Variants in ATAD2B observed in about 807,000 individuals in gnomAD.
The protein encoded by ATAD2B is ATPase family AAA domain-containing protein 2B.
In ATAD2B, 40 loss-of-function variants were observed where a neutral mutation model predicts 167.6. That is an observed-to-expected ratio of 0.24 (90% CI 0.19 to 0.31). The LOEUF is 0.31. Ranked by LOEUF, ATAD2B falls within the 10% of genes least tolerant of loss-of-function variation. ATAD2B has a pLI of 1.00. For missense variants in ATAD2B, 1,242 were observed against 1,757.2 expected (o/e 0.71, Z 5.24); for synonymous variants, 579 against 596.5 (o/e 0.97, Z 0.43).
intron 4 of ATAD2B, among the ~76,000 whole-genome samples, chr2:23,887,418 T>A (rs894249103): frequency 6.6e-6 from 1 of 152,182 alleles, no homozygotes; most frequent in Non-Finnish European, 1.5e-5. Context: ...TAACTATGCA[T>A]CTAGATACTG....
chr2:23,711,342 C>CTTTTTTTTTT, the ATAD2B span, among the ~76,000 whole-genome samples: 9 of 79,792 alleles, frequency 1.1e-4, no homozygotes, highest in African/African-American at 1.5e-4. Context: ...GAATTTCTTT[C>CTTTTTTTTTT]TTTTTTTTTT....
chr2:23,847,269 G>T (rs1425264136), intron 13 of ATAD2B, among the ~76,000 whole-genome samples: 1 of 149,916 alleles, frequency 6.7e-6, no homozygotes, highest in Non-Finnish European at 1.5e-5. Context: ...ACTTTGGGAG[G>T]CCGAGGCAGG....
the ATAD2B span, chr2:23,696,253 T>A: frequency 6.7e-7 from 1 of 1,492,398 alleles, no homozygotes; most frequent in Admixed American, 2.0e-5. This position sits in a 1 kb window ranked among gnomAD's most constrained non-coding sequence, Gnocchi z 5.5. Context: ...GAAGCCTTCC[T>A]CTGCCCCTGG....
At chr2:23,925,280 T>C (rs1704562229) in intron 1 of ATAD2B, among the ~76,000 whole-genome samples, 1 of 152,132 alleles carries the variant, frequency 6.6e-6, no homozygotes, top group African/African-American at 2.4e-5. Flanking sequence ...GACGTTATAA[T>C]GCCCAAAATT....
chr2:23,777,404 G>T (rs569652021), intron 22 of ATAD2B, among the ~76,000 whole-genome samples: 2 of 130,396 alleles, frequency 1.5e-5, no homozygotes, highest in South Asian at 5.2e-4. Context: ...GTCTCAAAAG[G>T]CAAGAATTGT....
intron 18 of ATAD2B, among the ~76,000 whole-genome samples, chr2:23,798,803 C>T (rs1284671396): frequency 1.3e-5 from 2 of 152,102 alleles, no homozygotes; most frequent in Admixed American, 1.3e-4. Context: ...AGATGTACCA[C>T]CCTAGAGCTT....
At chr2:23,899,990 C>T (rs1700620929) in intron 1 of ATAD2B, among the ~76,000 whole-genome samples, 2 of 137,968 alleles carry the variant, frequency 1.4e-5, no homozygotes, top group Admixed American at 1.6e-4. Flanking sequence ...GTGGTCTCGG[C>T]TCACTGCAAC....
rs1688613378 is a variant in ATAD2B at position 23,828,793 on chromosome 2, G to A, written c.1819+56C>T. On this transcript the variant is annotated intron_variant, in intron 15 of 27. Transcript: ENST00000238789. The stretch of plus-strand genomic sequence containing the variant: ...CATTCACATTCCAAATAAGGGGAAA[G>A]GGAGGTTGAGCAGAACAAACAATGA... 2.8e-6 allele frequency: 3 copies of A among 1,090,494 alleles called. No individual in the cohort carries two copies. In the South Asian group the frequency reaches 4.1e-5, roughly 15 times the overall value. 67.6% of individuals were successfully genotyped at this position (1,090,494 alleles called of 1,614,324 possible).
chr2:23,704,242 TC>T, the ATAD2B span, among the ~76,000 whole-genome samples: 1 of 152,154 alleles, frequency 6.6e-6, no homozygotes, highest in Non-Finnish European at 1.5e-5. Context: ...ACAAGTGACT[TC>T]TTGGGGGAAT....
At chr2:23,837,044 T>G (rs1466798347) in intron 13 of ATAD2B, among the ~76,000 whole-genome samples, 2 of 152,212 alleles carry the variant, frequency 1.3e-5, no homozygotes, top group East Asian at 3.9e-4. Context: ...CTGCTGCCAT[T>G]CATGGTGCCC....
chr2:23,824,422 G>C (rs1687932947), intron 15 of ATAD2B, among the ~76,000 whole-genome samples: 1 of 152,080 alleles, frequency 6.6e-6, no homozygotes. Context: ...GTATAAAATA[G>C]TATATAAACA....
the ATAD2B span, among the ~76,000 whole-genome samples, chr2:23,734,362 G>C: frequency 6.6e-6 from 1 of 152,066 alleles, no homozygotes; most frequent in African/African-American, 2.4e-5. Flanking sequence ...GTTTTACCAT[G>C]TTGCCCAGGC....
At chr2:23,756,869 C>A (rs960286616) in intron 25 of ATAD2B, among the ~76,000 whole-genome samples, 1 of 152,122 alleles carries the variant, frequency 6.6e-6, no homozygotes, top group Non-Finnish European at 1.5e-5. Context: ...CTTATTTAAT[C>A]CTTGCAACAC....
intron 1 of ATAD2B, among the ~76,000 whole-genome samples, chr2:23,899,423 C>A (rs1700534022): frequency 6.6e-6 from 1 of 151,382 alleles, no homozygotes; most frequent in Non-Finnish European, 1.5e-5. Flanking sequence ...TTTTATAATA[C>A]ACCATCACTT....
At chr2:23,762,578 AG>A (rs2149323023) in intron 23 of ATAD2B, among the ~76,000 whole-genome samples, 1 of 152,238 alleles carries the variant, frequency 6.6e-6, no homozygotes, top group African/African-American at 2.4e-5. Flanking sequence ...TAATCCCCAA[AG>A]GGGCCCTATT....
chr2:23,886,116 T>C (rs1698628186), intron 4 of ATAD2B, among the ~76,000 whole-genome samples: 1 of 152,068 alleles, frequency 6.6e-6, no homozygotes, highest in Non-Finnish European at 1.5e-5. Flanking sequence ...AGCTAACTTT[T>C]ATATTTTTTT....
the ATAD2B span, chr2:23,696,704 G>C: frequency 3.7e-6 from 2 of 542,030 alleles, no homozygotes; most frequent in Non-Finnish European, 6.4e-6. The surrounding 1 kb of genome is among the most constrained non-coding windows in gnomAD (Gnocchi z 5.5). Context: ...AAGCAGATGG[G>C]ATGACATCTG....
intron 13 of ATAD2B, among the ~76,000 whole-genome samples, chr2:23,847,102 C>T (rs929456936): frequency 8.6e-6 from 1 of 116,520 alleles, no homozygotes; most frequent in Non-Finnish European, 1.8e-5. Flanking sequence ...ATAAATATAC[C>T]TCAATAAAGC....
the ATAD2B span, among the ~76,000 whole-genome samples, chr2:23,740,814 G>T: frequency 2.6e-5 from 4 of 152,136 alleles, no homozygotes; most frequent in Non-Finnish European, 4.4e-5. Context: ...CATCGTCTCA[G>T]CCCCAAATCT....
Sources: gnomAD v4.1 joint callset for allele counts (sites outside exome capture counted in the v4.1 genomes callset) on GRCh38, gnomAD v4.1.1 for gene constraint, Gnocchi (gnomAD v3.1) non-coding constraint, MANE v1.5 for transcripts, NCBI Gene and HGNC (gene_info 2026-07-23, HGNC 2026-07-21) for gene names.